ADCY1: variants seen among roughly 807,000 people sequenced by gnomAD.
The protein encoded by ADCY1 is adenylate cyclase 1.
A neutral mutation model predicts 105.4 loss-of-function variants in ADCY1; 28 were observed. The ratio of observed to expected loss-of-function variants is 0.27; its 90% confidence interval spans 0.20 to 0.36. The LOEUF is 0.36. ADCY1 is among the 10% of genes least tolerant of loss of function. The pLI is 1.00. For missense variants in ADCY1, 977 were observed against 1,434.2 expected, an observed-to-expected ratio of 0.68 and a Z score of 5.15; for synonymous variants, 655 against 623.8, an observed-to-expected ratio of 1.05 and a Z score of -0.75.
rs140917922 is a variant in ADCY1 at position 45,686,655 on chromosome 7, C to T, written c.2436C>T (p.Asp812=). 4.9e-5 allele frequency: 79 copies of T among 1,612,228 alleles called. No homozygotes were observed. Among genetic ancestry groups the T allele is most frequent in the Non-Finnish European group, 6.5e-5 (77 of 1,178,764 alleles). Residue 812 remains aspartate, a synonymous_variant, in exon 14 of 20, where the codon GAC becomes GAT. Coordinates refer to ENST00000297323, the MANE Select transcript of ADCY1 (RefSeq NM_021116.4). This position sits in a 1 kb window ranked among gnomAD's most constrained non-coding sequence, Gnocchi z 4.3. ...AGGTGGACATCAGGCTGAGGCTGGA[C>T]TACCTCTGGGCCGCACAGGCAAGAC... ...ARQVDIRLRL[D]YLWAAQAEEE...
At position 45,647,738 on chromosome 7, in the gene ADCY1, G is replaced by A. The variant is rs898462661; in HGVS notation, c.1021-932G>A. On this transcript the variant is annotated intron_variant, in intron 4 of 19. Coordinates refer to ENST00000297323, the MANE Select transcript of ADCY1 (RefSeq NM_021116.4). The surrounding 1 kb of genome is among the most constrained non-coding windows in gnomAD (Gnocchi z 4.6). ...TCTCACTCATTGTCTTTTGTTTGGG[G>A]AAATGTCGTGATTTTTCATAAAATG... is the stretch of plus-strand genomic sequence containing the variant. Among the ~76,000 whole-genome samples the A allele has an allele frequency of 3.3e-5, 5 of 152,212 alleles. No homozygotes were observed. Among genetic ancestry groups the A allele is most frequent in the Non-Finnish European group, 2.9e-5 (2 of 68,046 alleles).
chr7:45,628,511 G>C (rs1794129580), intron 4 of ADCY1, among the ~76,000 whole-genome samples: 1 of 152,210 alleles, frequency 6.6e-6, no homozygotes, highest in Non-Finnish European at 1.5e-5. Context: ...GGGGTGGAGG[G>C]TGAGCGGTTT....
chr7:45,596,703 T>TA (rs972470394), intron 2 of ADCY1, among the ~76,000 whole-genome samples: 1 of 152,138 alleles, frequency 6.6e-6, no homozygotes, highest in African/African-American at 2.4e-5. Flanking sequence ...CTCCGAGCCT[T>TA]ACGCTCCCAT....
At chr7:45,599,549 T>G (rs1218496718) in intron 2 of ADCY1, among the ~76,000 whole-genome samples, 2 of 151,558 alleles carry the variant, frequency 1.3e-5, no homozygotes, top group African/African-American at 4.9e-5. Context: ...GAGCTGGTTG[T>G]CGCCTTGGTC....
chr7:45,593,176 G>A (rs899858098), intron 2 of ADCY1, among the ~76,000 whole-genome samples: 19 of 152,218 alleles, frequency 1.2e-4, no homozygotes, highest in Non-Finnish European at 4.4e-5. Flanking sequence ...TCCGGTTGCA[G>A]CTGGAATAGG....
chr7:45,583,545 C>T (rs1052384737), intron 1 of ADCY1, among the ~76,000 whole-genome samples: 6 of 152,238 alleles, frequency 3.9e-5, no homozygotes, highest in Non-Finnish European at 7.3e-5. Flanking sequence ...GAAGTAGACT[C>T]TTCAGCCTTT....
At chr7:45,695,102 C>T (rs1048659522) in intron 14 of ADCY1, among the ~76,000 whole-genome samples, 1 of 152,234 alleles carries the variant, frequency 6.6e-6, no homozygotes, top group African/African-American at 2.4e-5. Context: ...CTACATGCGG[C>T]TTGGAAACTC....
rs139968400 is a variant in ADCY1 at position 45,719,727 on chromosome 7, G to A, written c.*5732G>A. ...CCAAATGAAAATCATTTGTTCATGG[G>A]ATTCATATGAGGAACAAAATTAAAT... On this transcript the variant is annotated 3_prime_UTR_variant, in exon 20 of 20. Coordinates refer to ENST00000297323, the MANE Select transcript of ADCY1 (RefSeq NM_021116.4). 5.2e-3 allele frequency: 793 copies of A among 152,302 alleles called. 4 individuals carry two copies. Among genetic ancestry groups the A allele is most frequent in the African/African-American group, 0.018 (748 of 41,560 alleles). The allele number at this position is 152,302 out of a possible 1,614,324, so 9.4% of individuals were successfully genotyped here.
intron 10 of ADCY1, 64 bp from the exon 11 acceptor site, chr7:45,679,645 A>G (rs1374012058): frequency 1.9e-6 from 3 of 1,553,032 alleles, no homozygotes; most frequent in African/African-American, 1.4e-5. Context: ...ATTCTCAGCC[A>G]TCTCTTGGGT....
At chr7:45,655,079 T>C (rs539868059) in intron 5 of ADCY1, among the ~76,000 whole-genome samples, 4 of 152,334 alleles carry the variant, frequency 2.6e-5, no homozygotes, top group South Asian at 2.1e-4. Context: ...CCCCCTGTTA[T>C]GTGCACAGCT....
chr7:45,657,466 A>T (rs974420314), intron 5 of ADCY1, among the ~76,000 whole-genome samples: 7 of 152,360 alleles, frequency 4.6e-5, no homozygotes, highest in Admixed American at 6.5e-5. Context: ...AATGGAACTC[A>T]TGAGTCTGGT....
At chr7:45,636,920 A>G (rs531632785) in intron 4 of ADCY1, among the ~76,000 whole-genome samples, 41 of 152,252 alleles carry the variant, frequency 2.7e-4, no homozygotes, top group African/African-American at 8.4e-4. Context: ...TCTGCTTTCA[A>G]TTGGAGTGTT....
chr7:45,720,585 G>T lies in ADCY1; in HGVS notation c.*6590G>T, dbSNP rs1461039280. 1.3e-5 allele frequency: 2 copies of T among 151,786 alleles called. No individual in the cohort carries two copies. The highest frequency in any genetic ancestry group is 3.9e-4 in the East Asian group (2 of 5,160). The allele number at this position is 151,786 out of a possible 1,614,324, so 9.4% of individuals were successfully genotyped here. On this transcript the variant is annotated 3_prime_UTR_variant, in exon 20 of 20. Transcript: ENST00000297323. ...TGGTAGCCACCTGGCCTAATGCTGT[G>T]TTTTTGTACCTGACAGGGGTCACTC...
At chr7:45,596,740 A>G (rs944326114) in intron 2 of ADCY1, among the ~76,000 whole-genome samples, 4 of 152,170 alleles carry the variant, frequency 2.6e-5, no homozygotes, top group East Asian at 1.9e-4. Context: ...AAATCATTTC[A>G]TGTCCTGTGA....
chr7:45,594,809 A>G (rs1015060736), intron 2 of ADCY1, among the ~76,000 whole-genome samples: 1 of 152,192 alleles, frequency 6.6e-6, no homozygotes. Context: ...GGACATTTTC[A>G]AAATGTCACC....
chr7:45,574,832 G>T lies in ADCY1; in HGVS notation c.289G>T (p.Val97Leu). The change falls in exon 1 of 20, where the codon GTG becomes TTG. Residue 97 changes from valine to leucine, a missense_variant. Physicochemically the swap from Val to Leu is conservative, Grantham distance 32. Around this residue, in one of 7 missense-constraint regions of ADCY1, gnomAD observed 209 missense variants for 222.5 expected, o/e 0.94. Transcript: ENST00000297323. The surrounding 1 kb of genome is among the most constrained non-coding windows in gnomAD (Gnocchi z 7.0). ...APGLAKGSHP[V>L]HCVLFLALLV... ...CGGCCTGGCCAAGGGCTCACACCCG[G>T]TGCACTGCGTCCTCTTCCTGGCGCT... 1 of 1,610,202 alleles carries T rather than the reference G, an allele frequency of 6.2e-7. No homozygotes were observed. The highest frequency in any genetic ancestry group is 2.2e-5 in the East Asian group (1 of 44,782).
chr7:45,589,306 G>T (rs1424050395), intron 1 of ADCY1, among the ~76,000 whole-genome samples: 1 of 152,172 alleles, frequency 6.6e-6, no homozygotes, highest in Non-Finnish European at 1.5e-5. Flanking sequence ...AGGGAGTGTG[G>T]TGGTGGTGTG....
chr7:45,657,976 T>C, intron 6 of ADCY1, 91 bp downstream of exon 6: 1 of 1,396,182 alleles, frequency 7.2e-7, no homozygotes, highest in Non-Finnish European at 9.7e-7. Context: ...TGGGCTGTGC[T>C]CTTGAGGGCA....
At chr7:45,644,501 G>A (rs1006340628) in intron 4 of ADCY1, among the ~76,000 whole-genome samples, 1 of 152,226 alleles carries the variant, frequency 6.6e-6, no homozygotes, top group African/African-American at 2.4e-5. Context: ...AGCAAATCAG[G>A]AGACTTTCCT....
Sources: gnomAD v4.1 joint callset for allele counts (sites outside exome capture counted in the v4.1 genomes callset) on GRCh38, gnomAD v4.1.1 for gene constraint, gnomAD v4.1.1 regional missense constraint, Gnocchi (gnomAD v3.1) non-coding constraint, MANE v1.5 for transcripts, NCBI Gene and HGNC (gene_info 2026-07-23, HGNC 2026-07-21) for gene names.